Variants in FBXL3 observed in about 807,000 individuals in gnomAD.
FBXL3 encodes F-box and leucine rich repeat protein 3.
A neutral mutation model predicts 37.9 loss-of-function variants in FBXL3; 14 were observed. That is an observed-to-expected ratio of 0.37 (90% CI 0.24 to 0.58). The LOEUF is 0.58. Among genes scored for constraint, FBXL3 ranks in the 20% least tolerant of loss-of-function variants. FBXL3 has a pLI of 0.74. For missense variants in FBXL3, 327 were observed against 511.1 expected (o/e 0.64, Z 3.47); for synonymous variants, 194 against 180.1 (o/e 1.08, Z -0.62).
Position 77,018,725 on chromosome 13 carries a change from T to A in FBXL3, c.349-3A>T. On this transcript the variant is annotated splice_region_variant and splice_polypyrimidine_tract_variant and intron_variant, in intron 2 of 4. Coordinates refer to ENST00000355619, the MANE Select transcript of FBXL3 (RefSeq NM_012158.4). ...GCTGATTCCTTGCTGCTGTCCACCTTAGAAAAGAAACACCGTTTACTCATG... is the reference window on the plus strand; with the variant it reads ...GCTGATTCCTTGCTGCTGTCCACCTAAGAAAAGAAACACCGTTTACTCATG... 6.5e-7 allele frequency: 1 copy of A among 1,549,948 alleles called. No individual in the cohort carries two copies. The highest frequency in any genetic ancestry group is 8.7e-7 in the Non-Finnish European group (1 of 1,153,708).
At position 77,021,694 on chromosome 13, in the gene FBXL3, C is replaced by T; in HGVS notation, c.167G>A (p.Arg56Gln). 1 of 1,613,948 alleles carries T rather than the reference C, an allele frequency of 6.2e-7. No individual in the cohort carries two copies. The highest frequency in any genetic ancestry group is 8.5e-7 in the Non-Finnish European group (1 of 1,179,992). The change falls in exon 2 of 5, where the codon CGG becomes CAG. Residue 56 changes from arginine to glutamine, a missense_variant. By Grantham distance (43) the Arg-to-Gln change is conservative. Coordinates refer to ENST00000355619, the MANE Select transcript of FBXL3 (RefSeq NM_012158.4). Reference sequence around the variant, plus strand: ...GCGGCAAACTTGTGAAGCATGAGCCCGGTCAAGAAGAGGCAAATATTTAAA... The same window carrying T: ...GCGGCAAACTTGTGAAGCATGAGCCTGGTCAAGAAGAGGCAAATATTTAAA... ...QVFKYLPLLDRAHASQVCRNW... is the reference protein window; with the variant it reads ...QVFKYLPLLDQAHASQVCRNW...
At chr13:77,008,016 GAA>G (rs1566226336) in intron 4 of FBXL3, among the ~76,000 whole-genome samples, 1 of 152,076 alleles carries the variant, frequency 6.6e-6, no homozygotes, top group East Asian at 1.9e-4. Flanking sequence ...CTATTAAAAA[GAA>G]ATAAAACTCA....
At chr13:77,025,687 C>CA (rs35934318) in intron 1 of FBXL3, among the ~76,000 whole-genome samples, 5,501 of 73,712 alleles carry the variant, frequency 0.075, 500 homozygotes, top group Admixed American at 0.079. Flanking sequence ...GTCCTTGTCT[C>CA]AAAAAAAAAA....
chr13:77,008,556 A>G (rs984358438), intron 4 of FBXL3: 7 of 152,122 alleles, frequency 4.6e-5, no homozygotes, highest in African/African-American at 1.7e-4. Flanking sequence ...TCTCTGTAAG[A>G]GTTCTGTTTT....
In FBXL3 at chr13:77,007,379, T is replaced by C; in HGVS notation, c.1053A>G (p.Leu351=). The change falls in exon 5 of 5, where the codon TTA becomes TTG. Residue 351 remains leucine, a synonymous_variant. Coordinates refer to ENST00000355619, the MANE Select transcript of FBXL3 (RefSeq NM_012158.4). ...TTTTGCAACGTTCTGCAATGCGAAT[T>C]AACTCTTCATCAAGTGGCCGTAATC... ...ANGLRPLDEE[L]IRIAERCKNL... The C allele has an allele frequency of 6.2e-7, 1 of 1,614,168 alleles. No homozygotes were observed. Among genetic ancestry groups the C allele is most frequent in the Non-Finnish European group, 8.5e-7 (1 of 1,180,036 alleles).
intron 2 of FBXL3, among the ~76,000 whole-genome samples, chr13:77,020,844 GCC>G (rs1566232031): frequency 6.6e-6 from 1 of 151,992 alleles, no homozygotes; most frequent in Non-Finnish European, 1.5e-5. Context: ...CAATCTTCCC[GCC>G]TCAGCCTCCT....
At chr13:77,024,811 T>C (rs1371171805) in intron 1 of FBXL3, among the ~76,000 whole-genome samples, 1 of 152,196 alleles carries the variant, frequency 6.6e-6, no homozygotes, top group African/African-American at 2.4e-5. Flanking sequence ...AGTCTGTTAA[T>C]TGTCATACGT....
At position 77,021,522 on chromosome 13, in the gene FBXL3, G is replaced by T; in HGVS notation, c.339C>A (p.Val113=). 6.2e-7 allele frequency: 1 copy of T among 1,605,188 alleles called. No homozygotes were observed. Among genetic ancestry groups the T allele is most frequent in the South Asian group, 1.1e-5 (1 of 90,252 alleles). Residue 113 remains valine (V), a synonymous_variant, in exon 2 of 5, where the codon GTC becomes GTA. Transcript: ENST00000355619. ...IKRHSNHLQY[V]SFKVDSSKES... is the part of the protein sequence containing the mutation. Reference sequence around the variant, plus strand: ...GGATTTAAAATATTACCTTGAAGCTGACATATTGTAGATGGTTTGAATGTC... The same window carrying T: ...GGATTTAAAATATTACCTTGAAGCTTACATATTGTAGATGGTTTGAATGTC...
chr13:77,020,602 A>ATTG (rs2034724994), intron 2 of FBXL3, among the ~76,000 whole-genome samples: 1 of 15,936 alleles, frequency 6.3e-5, no homozygotes, highest in Non-Finnish European at 1.1e-4. Flanking sequence ...GTATTCATGC[A>ATTG]TTGTTTTTTT....
intron 2 of FBXL3, among the ~76,000 whole-genome samples, chr13:77,020,944 C>G (rs1482949284): frequency 6.6e-6 from 1 of 152,200 alleles, no homozygotes; most frequent in East Asian, 1.9e-4. Flanking sequence ...CCACCCACTT[C>G]ATTTATCTCA....
intron 2 of FBXL3, among the ~76,000 whole-genome samples, chr13:77,019,480 TAA>T (rs1052353685): frequency 5.3e-5 from 8 of 152,218 alleles, no homozygotes; most frequent in African/African-American, 1.9e-4. Context: ...CCAAAAATGT[TAA>T]GAGTGGATTG....
At chr13:77,023,223 G>A (rs1211835027) in intron 1 of FBXL3, among the ~76,000 whole-genome samples, 2 of 152,148 alleles carry the variant, frequency 1.3e-5, no homozygotes, top group East Asian at 1.9e-4. Context: ...GCAGTGGCAC[G>A]ATCATGGCTC....
chr13:77,007,864 C>A, intron 4 of FBXL3, 76 bp from the exon 5 acceptor site: 1 of 1,321,624 alleles, frequency 7.6e-7, no homozygotes, highest in Non-Finnish European at 1.0e-6. Context: ...AGTACATGTC[C>A]CACAAAAGTT....
intron 3 of FBXL3, chr13:77,016,994 T>C (rs2034655047): frequency 6.6e-6 from 1 of 152,250 alleles, no homozygotes; most frequent in South Asian, 2.1e-4. Flanking sequence ...CAAACATATT[T>C]CATTTGCAGT....
At chr13:77,009,041 C>T (rs1292162559) in intron 4 of FBXL3, 1 of 152,084 alleles carries the variant, frequency 6.6e-6, no homozygotes, top group Non-Finnish European at 1.5e-5. Flanking sequence ...TTTTAAAAAT[C>T]TGGAAAAGTA....
intron 4 of FBXL3, chr13:77,013,167 A>G (rs1283297849): frequency 6.6e-6 from 1 of 152,242 alleles, no homozygotes; most frequent in African/African-American, 2.4e-5. Context: ...TGACCGTGAA[A>G]GAAATCAGAC....
chr13:77,022,345 G>A (rs1312329347), intron 1 of FBXL3, among the ~76,000 whole-genome samples: 1 of 152,158 alleles, frequency 6.6e-6, no homozygotes, highest in Non-Finnish European at 1.5e-5. Flanking sequence ...GGGTCCTGTG[G>A]TTCTGGCCTG....
At chr13:77,018,835 A>G in intron 2 of FBXL3, 113 bp from the exon 3 acceptor site, 1 of 844,370 alleles carries the variant, frequency 1.2e-6, no homozygotes. Flanking sequence ...CTCTGTACAC[A>G]TATTCATTTT....
rs2034459235 is a variant in FBXL3, at chr13:77,006,803, A to G, written c.*342T>C. The G allele has an allele frequency of 1.9e-6, 2 of 1,035,666 alleles. No homozygotes were observed. The highest frequency in any genetic ancestry group is 2.3e-6 in the Non-Finnish European group (2 of 857,876). The allele number at this position is 1,035,666 out of a possible 1,614,324, so 64.2% of individuals were successfully genotyped here. A position where few individuals can be genotyped will look rare whatever the true frequency, so the allele number is the denominator to read the frequency against. ...ATTTTTTTTTAAATGCATAGAGAAT[A>G]TAACATTTCAGAAAACCTATTAGTA... On this transcript the variant is annotated 3_prime_UTR_variant, in exon 5 of 5. Transcript: ENST00000355619.
Sources: gnomAD v4.1 joint callset for allele counts (sites outside exome capture counted in the v4.1 genomes callset) on GRCh38, gnomAD v4.1.1 for gene constraint, MANE v1.5 for transcripts, NCBI Gene and HGNC (gene_info 2026-07-23, HGNC 2026-07-21) for gene names.